The following TMEM132D variants were observed in gnomAD, a reference collection of about 807,000 sequenced individuals.
TMEM132D encodes mature OL transmembrane protein.
A neutral mutation model predicts 62.3 loss-of-function variants in TMEM132D; 21 were observed. The observed-to-expected ratio is 0.34, with a 90% CI of 0.24 to 0.49. The LOEUF is 0.49. TMEM132D is among the 20% of genes least tolerant of loss of function. The pLI is 0.99. For synonymous variants in TMEM132D, 621 were observed against 575.6 expected (o/e 1.08, Z -1.13); for missense variants, 1,346 against 1,402.8 (o/e 0.96, Z 0.65).
At chr12:129,266,100 G>T (rs972497996) in intron 4 of TMEM132D, among the ~76,000 whole-genome samples, 4 of 150,004 alleles carry the variant, frequency 2.7e-5, no homozygotes, top group Non-Finnish European at 4.4e-5. Context: ...CTCTTGTGAA[G>T]GCCACTGATG....
intron 5 of TMEM132D, among the ~76,000 whole-genome samples, chr12:129,116,310 C>T (rs1356820657): frequency 6.6e-6 from 1 of 152,264 alleles, no homozygotes; most frequent in African/African-American, 2.4e-5. Flanking sequence ...CTATTCTTCT[C>T]AGGGAAAGAC....
At chr12:129,435,630 G>A (rs573741642) in intron 3 of TMEM132D, among the ~76,000 whole-genome samples, 6 of 152,208 alleles carry the variant, frequency 3.9e-5, no homozygotes, top group Admixed American at 1.3e-4. Flanking sequence ...TCTGCAGTAC[G>A]ATGTTTACCT....
intron 7 of TMEM132D, among the ~76,000 whole-genome samples, chr12:129,080,962 C>T (rs967543433): frequency 2.0e-5 from 3 of 152,180 alleles, no homozygotes; most frequent in African/African-American, 7.2e-5. Context: ...AATCACTTCA[C>T]TTCGTCCTTT....
chr12:129,255,762 T>G (rs773540928), intron 4 of TMEM132D, among the ~76,000 whole-genome samples: 1 of 152,168 alleles, frequency 6.6e-6, no homozygotes, highest in Non-Finnish European at 1.5e-5. Flanking sequence ...CATTTCCAGA[T>G]TCTACATTTT....
intron 2 of TMEM132D, among the ~76,000 whole-genome samples, chr12:129,617,111 C>A (rs1364929322): frequency 6.6e-6 from 1 of 152,174 alleles, no homozygotes; most frequent in Non-Finnish European, 1.5e-5. Context: ...TTATTTTGTC[C>A]TTGAGATGCA....
rs576212545 is a variant in TMEM132D, at chr12:129,411,906, C to T, written c.1116-74089G>A. ...CTTTCTTCCTTTCTTTCCTATATTG[C>T]ATATGGTACCTTGGCCGGGTAAGAT... On this transcript the variant is annotated intron_variant, in intron 3 of 8. Coordinates refer to ENST00000422113, the MANE Select transcript of TMEM132D (RefSeq NM_133448.3). 7.2e-5 allele frequency among the ~76,000 whole-genome samples: 11 copies of T among 152,284 alleles called. No individual in the cohort carries two copies. The South Asian group carries it at 2.3e-3, about 32-fold the overall frequency.
chr12:129,078,165 G>A (rs1032061068), intron 8 of TMEM132D, among the ~76,000 whole-genome samples: 3 of 152,236 alleles, frequency 2.0e-5, no homozygotes, highest in Non-Finnish European at 4.4e-5. Flanking sequence ...GCCTGCACGT[G>A]CCCTCATGCC....
Position 129,634,157 on chromosome 12 carries a change from C to T in TMEM132D, c.968+65653G>A, listed in dbSNP as rs190481045. Among the ~76,000 whole-genome samples the T allele has an allele frequency of 2.5e-3, 377 of 152,126 alleles. 4 individuals carry two copies. Among genetic ancestry groups the T allele is most frequent in the Non-Finnish European group, 1.8e-3 (125 of 67,990 alleles). ...TGTCCCCTGCACTCAGTTCAGTCCC[C>T]GGCACACACACTGGGTACTTAAGAA... On this transcript the variant is annotated intron_variant, in intron 2 of 8. Coordinates refer to ENST00000422113, the MANE Select transcript of TMEM132D (RefSeq NM_133448.3).
At chr12:129,338,441 A>G (rs1869362005) in intron 3 of TMEM132D, among the ~76,000 whole-genome samples, 1 of 152,208 alleles carries the variant, frequency 6.6e-6, no homozygotes, top group Non-Finnish European at 1.5e-5. Flanking sequence ...TTTTCCTATA[A>G]GCATACATCT....
In TMEM132D at chr12:129,903,781, A is replaced by G. The variant is rs1044845727; in HGVS notation, c.-442T>C. On this transcript the variant is annotated 5_prime_UTR_variant, in exon 1 of 9. Transcript: ENST00000422113. This position sits in a 1 kb window ranked among gnomAD's most constrained non-coding sequence, Gnocchi z 6.2. ...CGGCGCCGGGGTGGCGGGGCTGCGG[A>G]GCCCGGGACGCGGGCAGAGGCGGCT... 3.4e-5 allele frequency: 5 copies of G among 148,272 alleles called. No individual in the cohort carries two copies. The highest frequency in any genetic ancestry group is 2.1e-4 in the South Asian group (1 of 4,782). The allele number at this position is 148,272 out of a possible 1,614,324, so 9.2% of individuals were successfully genotyped here.
chr12:129,441,760 A>G (rs1159653356), intron 3 of TMEM132D, among the ~76,000 whole-genome samples: 1 of 152,190 alleles, frequency 6.6e-6, no homozygotes, highest in Non-Finnish European at 1.5e-5. Flanking sequence ...AGTGGAGTAA[A>G]TAAAGAAAAT....
chr12:129,763,844 G>A (rs996957918), intron 1 of TMEM132D, among the ~76,000 whole-genome samples: 4 of 152,106 alleles, frequency 2.6e-5, no homozygotes, highest in South Asian at 2.1e-4. Flanking sequence ...AAAGTCAGCC[G>A]CAGGTGGAAC....
intron 4 of TMEM132D, among the ~76,000 whole-genome samples, chr12:129,269,414 T>TC (rs1880791884): frequency 6.6e-6 from 1 of 152,052 alleles, no homozygotes; most frequent in Admixed American, 6.5e-5. Context: ...TTCCCTTCCT[T>TC]CTTCCTTCCT....
chr12:129,881,392 T>C (rs1874591231), intron 1 of TMEM132D, among the ~76,000 whole-genome samples: 1 of 151,814 alleles, frequency 6.6e-6, no homozygotes, highest in Non-Finnish European at 1.5e-5. Flanking sequence ...CAGCACAAAA[T>C]AACATTCTAT....
chr12:129,456,610 GAA>G (rs10604274), intron 3 of TMEM132D, among the ~76,000 whole-genome samples: 51 of 152,258 alleles, frequency 3.3e-4, no homozygotes, highest in African/African-American at 1.2e-3. Flanking sequence ...GTTTGTCCCA[GAA>G]AAGGGAAGTG....
At chr12:129,883,989 T>C (rs2137388013) in intron 1 of TMEM132D, among the ~76,000 whole-genome samples, 2 of 152,312 alleles carry the variant, frequency 1.3e-5, no homozygotes, top group East Asian at 3.9e-4. Flanking sequence ...AGGAGCACAG[T>C]GGCTCAATCG....
intron 3 of TMEM132D, among the ~76,000 whole-genome samples, chr12:129,514,130 A>T (rs143939797): frequency 6.7e-6 from 1 of 149,828 alleles, no homozygotes; most frequent in Non-Finnish European, 1.5e-5. Context: ...TGAGCCACCG[A>T]GCCCGGCCAA....
At chr12:129,743,397 T>C (rs529635336) in intron 1 of TMEM132D, among the ~76,000 whole-genome samples, 1 of 152,304 alleles carries the variant, frequency 6.6e-6, no homozygotes, top group South Asian at 2.1e-4. Context: ...GGAGATCTGA[T>C]GGTTTTATAA....
At chr12:129,516,737 T>A (rs895180720) in intron 3 of TMEM132D, among the ~76,000 whole-genome samples, 1 of 152,242 alleles carries the variant, frequency 6.6e-6, no homozygotes, top group Non-Finnish European at 1.5e-5. Flanking sequence ...TAACTTCTGA[T>A]GGCTACTGTA....
Sources: gnomAD v4.1 joint callset for allele counts (sites outside exome capture counted in the v4.1 genomes callset) on GRCh38, gnomAD v4.1.1 for gene constraint, Gnocchi (gnomAD v3.1) non-coding constraint, MANE v1.5 for transcripts, NCBI Gene and HGNC (gene_info 2026-07-23, HGNC 2026-07-21) for gene names.